Variants in CRTC3 observed in about 807,000 individuals in gnomAD.
The protein encoded by CRTC3 is CREB-regulated transcription coactivator 3.
CRTC3 carries 26 observed loss-of-function variants against 74.5 expected under a neutral mutation model. That is an observed-to-expected ratio of 0.35 (90% confidence interval 0.26 to 0.48). The LOEUF (loss-of-function observed/expected upper bound fraction) is 0.48. Ranked by LOEUF, CRTC3 falls within the 20% of genes least tolerant of loss-of-function variation. The pLI, the probability that CRTC3 is intolerant of heterozygous loss-of-function variation, is 0.99. For synonymous variants in CRTC3, 377 were observed against 325.8 expected (o/e 1.16, Z -1.69); for missense variants, 760 against 787.3 (o/e 0.97, Z 0.41).
At chr15:90,554,998 C>T (rs932432989) in intron 2 of CRTC3, among the ~76,000 whole-genome samples, 8 of 152,156 alleles carry the variant, frequency 5.3e-5, no homozygotes, top group African/African-American at 1.9e-4. Context: ...GACAGCCCTG[C>T]CCTTCTACAA....
intron 2 of CRTC3, among the ~76,000 whole-genome samples, chr15:90,563,235 G>A (rs1465493808): frequency 1.3e-5 from 2 of 151,908 alleles, no homozygotes; most frequent in African/African-American, 2.4e-5. Flanking sequence ...GAGAAACCCT[G>A]TCTCTACTAA....
intron 14 of CRTC3, 186 bp downstream of exon 14, chr15:90,641,385 T>G (rs372624871): frequency 1.2e-4 from 72 of 576,560 alleles, no homozygotes; most frequent in African/African-American, 1.0e-3. Context: ...GTGGGCCTGG[T>G]AGTCAAAGCC....
At chr15:90,580,088 CTTAT>C (rs1249493029) in intron 2 of CRTC3, among the ~76,000 whole-genome samples, 1 of 152,092 alleles carries the variant, frequency 6.6e-6, no homozygotes, top group African/African-American at 2.4e-5. Context: ...AATATTTCTC[CTTAT>C]TTATTTTTTA....
intron 11 of CRTC3, among the ~76,000 whole-genome samples, chr15:90,633,595 G>C (rs558749667): frequency 4.6e-5 from 7 of 152,230 alleles, no homozygotes; most frequent in Non-Finnish European, 1.0e-4. Flanking sequence ...ATGTGGCTTG[G>C]CGTGAGTCTG....
chr15:90,612,445 G>A (rs1018768683), intron 6 of CRTC3, among the ~76,000 whole-genome samples: 1 of 151,926 alleles, frequency 6.6e-6, no homozygotes, highest in Non-Finnish European at 1.5e-5. Context: ...AGTCTGAGGA[G>A]AGCATGCACT....
chr15:90,554,781 G>A (rs1448353296), intron 2 of CRTC3, among the ~76,000 whole-genome samples: 1 of 152,192 alleles, frequency 6.6e-6, no homozygotes, highest in Non-Finnish European at 1.5e-5. Flanking sequence ...TGGTTTTGTT[G>A]TTACTGCAGC....
intron 6 of CRTC3, among the ~76,000 whole-genome samples, chr15:90,611,058 T>G (rs1968344960): frequency 6.6e-6 from 1 of 152,140 alleles, no homozygotes; most frequent in African/African-American, 2.4e-5. Flanking sequence ...CCTTGAAAGA[T>G]GTAAGCCTGT....
At chr15:90,614,530 G>A (rs1325739777) in intron 7 of CRTC3, 42 bp downstream of exon 7, 1 of 1,366,532 alleles carries the variant, frequency 7.3e-7, no homozygotes. Context: ...GTGGGATGCT[G>A]ATTAGTGGAC....
chr15:90,623,331 G>A (rs1044847534), intron 9 of CRTC3, among the ~76,000 whole-genome samples: 9 of 152,170 alleles, frequency 5.9e-5, no homozygotes, highest in Non-Finnish European at 1.3e-4. Context: ...GTTGCCTCCT[G>A]TACGTAACTG....
At chr15:90,615,461 T>C (rs1567185680) in intron 7 of CRTC3, among the ~76,000 whole-genome samples, 1 of 152,232 alleles carries the variant, frequency 6.6e-6, no homozygotes, top group Non-Finnish European at 1.5e-5. Context: ...ATGAGGAGCA[T>C]CTTGCAAGAC....
chr15:90,623,433 T>C (rs2151089952), intron 9 of CRTC3, among the ~76,000 whole-genome samples: 1 of 152,208 alleles, frequency 6.6e-6, no homozygotes, highest in South Asian at 2.1e-4. Context: ...CCTGCCCTCA[T>C]TCCCAATCTG....
chr15:90,628,073 C>T (rs554558253), intron 10 of CRTC3, among the ~76,000 whole-genome samples: 23 of 151,022 alleles, frequency 1.5e-4, no homozygotes, highest in Non-Finnish European at 2.8e-4. Flanking sequence ...AAAAATTAAC[C>T]AGGCGTGGCG....
chr15:90,604,734 A>G (rs1283194986), intron 5 of CRTC3, among the ~76,000 whole-genome samples: 1 of 152,156 alleles, frequency 6.6e-6, no homozygotes, highest in Non-Finnish European at 1.5e-5. Flanking sequence ...AATGCTACCT[A>G]GATCATGGGT....
intron 2 of CRTC3, among the ~76,000 whole-genome samples, chr15:90,553,397 C>T: frequency 6.6e-6 from 1 of 152,188 alleles, no homozygotes; most frequent in South Asian, 2.1e-4. Context: ...GTGCATCTGT[C>T]CCGAAATAGG....
chr15:90,546,683 C>T (rs1053021010), intron 2 of CRTC3, among the ~76,000 whole-genome samples: 1 of 152,084 alleles, frequency 6.6e-6, no homozygotes, highest in African/African-American at 2.4e-5. Context: ...AGTGCAGTGG[C>T]ACGATCTCCA....
chr15:90,629,731 TTTC>T (rs1291782145), intron 11 of CRTC3, among the ~76,000 whole-genome samples, 199 bp downstream of exon 11: 1 of 152,204 alleles, frequency 6.6e-6, no homozygotes, highest in Admixed American at 6.5e-5. Flanking sequence ...ATGATTTTCT[TTTC>T]TTTTTTTGAG....
At chr15:90,589,685 C>T (rs1054650775) in intron 2 of CRTC3, among the ~76,000 whole-genome samples, 3 of 152,182 alleles carry the variant, frequency 2.0e-5, no homozygotes, top group African/African-American at 7.2e-5. Flanking sequence ...TGAATGGCAA[C>T]GTGCAATGTT....
intron 2 of CRTC3, among the ~76,000 whole-genome samples, chr15:90,546,869 C>T (rs951967021): frequency 6.6e-5 from 10 of 152,160 alleles, no homozygotes; most frequent in Non-Finnish European, 1.0e-4. Context: ...GTGATCCACC[C>T]GCCTCGGCCT....
intron 2 of CRTC3, among the ~76,000 whole-genome samples, chr15:90,588,645 G>T (rs1312803336): frequency 1.3e-5 from 2 of 151,614 alleles, no homozygotes; most frequent in Admixed American, 1.3e-4. Flanking sequence ...GCTGGGTGAC[G>T]TCAGAGGTGA....
Sources: allele counts gnomAD v4.1 joint callset (sites outside exome capture counted in the v4.1 genomes callset), GRCh38; gene constraint gnomAD v4.1.1; transcripts MANE v1.5; gene names NCBI Gene and HGNC (gene_info 2026-07-23, HGNC 2026-07-21).